The following DUSP10 variants were observed in gnomAD, a reference collection of about 807,000 sequenced individuals.
DUSP10 encodes dual specificity phosphatase 10.
Under a neutral mutation model 30.8 loss-of-function variants are expected in DUSP10, and 14 were observed. The ratio of observed to expected loss-of-function variants is 0.46; its 90% CI spans 0.30 to 0.71. The LOEUF (loss-of-function observed/expected upper bound fraction) is 0.71. Among genes scored for constraint, DUSP10 ranks in the 30% least tolerant of loss-of-function variants. The probability of loss-of-function intolerance (pLI) is 0.08; values close to 1 mark genes in which losing one functional copy is unlikely to be tolerated. For synonymous variants in DUSP10, 254 were observed against 250.4 expected (o/e 1.01, Z -0.14); for missense variants, 550 against 619.4 (o/e 0.89, Z 1.19).
intron 2 of DUSP10, among the ~76,000 whole-genome samples, chr1:221,729,752 C>T (rs1057003983): frequency 2.0e-5 from 3 of 152,160 alleles, no homozygotes; most frequent in Admixed American, 6.5e-5. Context: ...AACTGATGTT[C>T]TGCTGGCAGA....
intron 2 of DUSP10, chr1:221,737,163 T>C (rs1439661764): frequency 1.0e-6 from 1 of 985,272 alleles, no homozygotes; most frequent in Non-Finnish European, 1.2e-6. Flanking sequence ...TGCAACTCCT[T>C]GTAATCATCC....
In DUSP10 at chr1:221,706,116, C is replaced by T; in HGVS notation, c.1162G>A (p.Glu388Lys). Residue 388 changes from glutamate (E) to lysine (K), a missense_variant, in exon 3 of 4, where the codon GAA becomes AAA. By Grantham distance (56) the Glu-to-Lys change is moderately conservative. Transcript: ENST00000366899. This position sits in a 1 kb window ranked among gnomAD's most constrained non-coding sequence, Gnocchi z 4.6. ...SNKQNLRQYF[E>K]EAFEFIEEAH... Reference sequence around the variant, plus strand: ...TTACCAATGAACTCAAAAGCCTCTTCAAAGTACTGCCGCAGGTTCTGCTTG... The same window carrying T: ...TTACCAATGAACTCAAAAGCCTCTTTAAAGTACTGCCGCAGGTTCTGCTTG... 1 of 1,613,834 alleles carries T rather than the reference C, an allele frequency of 6.2e-7. No individual in the cohort carries two copies.
In DUSP10 at chr1:221,739,246, G is replaced by C. The variant is rs1487561130; in HGVS notation, c.499C>G (p.Leu167Val). ...ATGATGACAGGGCCCTGACTCGGCA[G>C]GTGACTCTTGCTGCATTTGGTCATC... ...KKMTKCSKSH[L>V]PSQGPVIIDC... Residue 167 changes from leucine (L) to valine (V), a missense_variant, in exon 2 of 4, where the codon CTG becomes GTG. Coordinates refer to ENST00000366899, the MANE Select transcript of DUSP10 (RefSeq NM_007207.6). 1.2e-6 allele frequency: 2 copies of C among 1,614,084 alleles called. No individual in the cohort carries two copies.
rs117551196 is a variant in DUSP10 at position 221,724,512 on chromosome 1, T to C, written c.811+14422A>G. 4.4e-3 allele frequency among the ~76,000 whole-genome samples: 667 copies of C among 152,310 alleles called. 9 individuals are homozygous for C. Among genetic ancestry groups the C allele is most frequent in the Non-Finnish European group, 4.4e-3 (300 of 68,022 alleles). ...ATATAAAGTCTTGAAATCTGGTATA[T>C]ATTTTACACCTACAGCACATCTCTG... On this transcript the variant is annotated intron_variant, in intron 2 of 3. Coordinates refer to ENST00000366899, the MANE Select transcript of DUSP10 (RefSeq NM_007207.6).
At chr1:221,739,876 C>A (rs936437852) in intron 1 of DUSP10, 89 bp from the exon 2 acceptor site, 35 of 1,344,522 alleles carry the variant, frequency 2.6e-5, no homozygotes, top group Non-Finnish European at 3.2e-5. Context: ...ACCTTTGCAT[C>A]CCTCTGAGCA....
chr1:221,733,848 A>G (rs1292228372), intron 2 of DUSP10, among the ~76,000 whole-genome samples: 1 of 152,248 alleles, frequency 6.6e-6, no homozygotes, highest in African/African-American at 2.4e-5. Flanking sequence ...TGAATGAGGA[A>G]CAGATAAAGC....
chr1:221,714,287 G>C (rs757338677), intron 2 of DUSP10, among the ~76,000 whole-genome samples: 1 of 152,126 alleles, frequency 6.6e-6, no homozygotes, highest in Admixed American at 6.5e-5. Flanking sequence ...GAAGTCCTCC[G>C]TAACGTTTTC....
chr1:221,729,583 T>C (rs894548586), intron 2 of DUSP10, among the ~76,000 whole-genome samples: 4 of 152,242 alleles, frequency 2.6e-5, no homozygotes, highest in Admixed American at 2.6e-4. Flanking sequence ...AGAGCTTCTC[T>C]GAGAACTAAA....
chr1:221,720,786 A>G (rs11118836), intron 2 of DUSP10, among the ~76,000 whole-genome samples: 2,208 of 152,308 alleles, frequency 0.014, 64 homozygotes, highest in African/African-American at 0.05. Context: ...GTTCTCAGAA[A>G]AGTCTTCCCT....
rs775923909 is a variant in DUSP10 at position 221,739,087 on chromosome 1, C to T, written c.658G>A (p.Glu220Lys). The part of the protein sequence containing the change: ...ITVLDLISCR[E>K]GKDSFKRIFS... ...ATCCTCTTGAAAGAGTCCTTGCCTT[C>T]CCTACAGGAAATCAAGTCTAGGACA... The change falls in exon 2 of 4, where the codon GAA becomes AAA. Residue 220 changes from glutamate (E) to lysine (K), a missense_variant. Coordinates refer to ENST00000366899, the MANE Select transcript of DUSP10 (RefSeq NM_007207.6). The T allele has an allele frequency of 5.6e-6, 9 of 1,614,204 alleles. No homozygotes were observed. The South Asian group carries it at 6.6e-5, about 12-fold the overall frequency.
chr1:221,717,458 C>G (rs568400485), intron 2 of DUSP10, among the ~76,000 whole-genome samples: 2,237 of 149,342 alleles, frequency 0.015, 62 homozygotes, highest in African/African-American at 0.053. Context: ...GGAAAAGAAA[C>G]AGAGAGAGAG....
intron 2 of DUSP10, chr1:221,737,057 C>A (rs900541842): frequency 5.1e-5 from 50 of 985,324 alleles, no homozygotes; most frequent in Non-Finnish European, 6.0e-5. Context: ...AGAGGATCCT[C>A]ACTTTCACAA....
At chr1:221,711,150 T>C (rs143753759) in intron 2 of DUSP10, among the ~76,000 whole-genome samples, 1 of 152,356 alleles carries the variant, frequency 6.6e-6, no homozygotes, top group African/African-American at 2.4e-5. Context: ...CAATGGATTC[T>C]AGTTTTAGTG....
At chr1:221,716,272 G>A (rs889676967) in intron 2 of DUSP10, among the ~76,000 whole-genome samples, 1 of 152,172 alleles carries the variant, frequency 6.6e-6, no homozygotes, top group African/African-American at 2.4e-5. Flanking sequence ...ACACAGTAAG[G>A]CTCTGCTAGT....
At chr1:221,731,765 T>C (rs972683362) in intron 2 of DUSP10, among the ~76,000 whole-genome samples, 17 of 151,938 alleles carry the variant, frequency 1.1e-4, no homozygotes, top group African/African-American at 3.6e-4. Context: ...TGCACCACCA[T>C]GCCCAGCTAA....
At chr1:221,734,759 G>A (rs1661712336) in intron 2 of DUSP10, among the ~76,000 whole-genome samples, 3 of 152,102 alleles carry the variant, frequency 2.0e-5, no homozygotes, top group Admixed American at 2.0e-4. Flanking sequence ...TTTGCTACAA[G>A]GCTAATGTTT....
chr1:221,735,457 T>C (rs1571832473), intron 2 of DUSP10, among the ~76,000 whole-genome samples: 1 of 152,260 alleles, frequency 6.6e-6, no homozygotes, highest in Admixed American at 6.5e-5. Context: ...AAAATGTTCA[T>C]AGTATACTAT....
At chr1:221,736,372 A>C (rs1377617186) in intron 2 of DUSP10, among the ~76,000 whole-genome samples, 1 of 152,222 alleles carries the variant, frequency 6.6e-6, no homozygotes, top group Admixed American at 6.5e-5. Context: ...CTTATGTTCT[A>C]ACTATGCCCC....
intron 2 of DUSP10, among the ~76,000 whole-genome samples, chr1:221,716,561 G>T (rs892949786): frequency 2.6e-5 from 4 of 151,998 alleles, no homozygotes; most frequent in African/African-American, 9.7e-5. Flanking sequence ...TACTTCTATT[G>T]AACTCCATTC....
Sources: gnomAD v4.1 joint callset for allele counts (sites outside exome capture counted in the v4.1 genomes callset) on GRCh38, gnomAD v4.1.1 for gene constraint, Gnocchi (gnomAD v3.1) non-coding constraint, MANE v1.5 for transcripts, NCBI Gene and HGNC (gene_info 2026-07-23, HGNC 2026-07-21) for gene names.